The following CIT variants were observed in gnomAD, a reference collection of about 807,000 sequenced individuals.
The protein encoded by CIT is citron Rho-interacting kinase.
Under a neutral mutation model 272.7 loss-of-function variants are expected in CIT, and 79 were observed. That is an observed-to-expected ratio of 0.29 (90% CI 0.24 to 0.35). CIT has a LOEUF of 0.35. CIT is among the 10% of genes least tolerant of loss of function. The pLI is 1.00. For synonymous variants in CIT, 948 were observed against 995.6 expected (o/e 0.95, Z 0.90); for missense variants, 1,909 against 2,618.3 (o/e 0.73, Z 5.91).
Position 119,697,814 on chromosome 12 carries a change from G to A in CIT, c.5727C>T (p.Asp1909=). Residue 1909 remains aspartate (D), a synonymous_variant, in exon 46 of 48, where the codon GAC becomes GAT. Coordinates refer to ENST00000392521, the MANE Select transcript of CIT (RefSeq NM_001206999.2). The surrounding 1 kb of genome is among the most constrained non-coding windows in gnomAD (Gnocchi z 4.9). ...GGCCCAGGTAGCGCGGGTTCGGGAT[G>A]TCCAGGTACGCTCGGGCAGGGGTCC... ...SAGTPARAYL[D]IPNPRYLGPA... is the part of the protein sequence containing the mutation. 1 of 1,614,166 alleles carries A rather than the reference G, an allele frequency of 6.2e-7. No individual in the cohort carries two copies. Among genetic ancestry groups the A allele is most frequent in the South Asian group, 1.1e-5 (1 of 91,086 alleles).
In CIT at chr12:119,704,071, T is replaced by C. The variant is rs1369373862; in HGVS notation, c.5304+292A>G. On this transcript the variant is annotated intron_variant, in intron 41 of 47. Coordinates refer to ENST00000392521, the MANE Select transcript of CIT (RefSeq NM_001206999.2). ...TTTTTTTTTCCACTGGTTTTTCCTA[T>C]CAGTCAACTTTCTGTTCTAACAAAA... 1.3e-5 allele frequency among the ~76,000 whole-genome samples: 2 copies of C among 152,100 alleles called. 1 individual carries two copies. Among genetic ancestry groups the C allele is most frequent in the South Asian group, 4.1e-4 (2 of 4,828 alleles).
At chr12:119,722,479 T>C (rs1185662182) in intron 28 of CIT, among the ~76,000 whole-genome samples, 1 of 152,190 alleles carries the variant, frequency 6.6e-6, no homozygotes, top group Non-Finnish European at 1.5e-5. Context: ...TCTGTCTCTT[T>C]GCTTCTCTCT....
At position 119,834,151 on chromosome 12, in the gene CIT, T is replaced by C. The variant is rs766409004; in HGVS notation, c.594A>G (p.Ile198Met). The C allele has an allele frequency of 1.9e-6, 3 of 1,613,958 alleles. No homozygotes were observed. The highest frequency in any genetic ancestry group is 1.1e-5 in the South Asian group (1 of 91,068). ...AAATCAGCTCAGCTAGGTAAAACTG[T>C]ATCAGGTTTTCATCTAACTGGTCCT... is the stretch of plus-strand genomic sequence containing the variant. ...RYEDQLDENL[I>M]QFYLAELILA... The change falls in exon 6 of 48, where the codon ATA becomes ATG. Residue 198 changes from isoleucine to methionine, a missense_variant. Coordinates refer to ENST00000392521, the MANE Select transcript of CIT (RefSeq NM_001206999.2).
chr12:119,690,601 A>T lies in CIT; in HGVS notation c.5883-147T>A. 2.5e-6 allele frequency: 2 copies of T among 789,994 alleles called. No homozygotes were observed. Among genetic ancestry groups the T allele is most frequent in the Non-Finnish European group, 3.7e-6 (2 of 533,736 alleles). The allele number at this position is 789,994 out of a possible 1,614,324, so 48.9% of individuals were successfully genotyped here. On this transcript the variant is annotated intron_variant, in intron 46 of 47. Coordinates refer to ENST00000392521, the MANE Select transcript of CIT (RefSeq NM_001206999.2). This position sits in a 1 kb window ranked among gnomAD's most constrained non-coding sequence, Gnocchi z 6.0. Reference sequence around the variant, plus strand: ...CTGGAGTTCTTTGGACTTTGCCTGCATTTGATTTTGGTAGCAAAGACAGGG... The same window carrying T: ...CTGGAGTTCTTTGGACTTTGCCTGCTTTTGATTTTGGTAGCAAAGACAGGG...
Position 119,784,476 on chromosome 12 carries a change from T to G in CIT, c.1402-425A>C. ...AGGAGATATTTATTCGTCTGCACTC[T>G]TAGGAGTCCCAGGCAAGCAGTGACT... On this transcript the variant is annotated intron_variant, in intron 11 of 47. Transcript: ENST00000392521. This position sits in a 1 kb window ranked among gnomAD's most constrained non-coding sequence, Gnocchi z 4.7. 1 of 1,193,426 alleles carries G rather than the reference T, an allele frequency of 8.4e-7. No homozygotes were observed. Among genetic ancestry groups the G allele is most frequent in the Non-Finnish European group, 1.1e-6 (1 of 948,062 alleles). 73.9% of individuals were successfully genotyped at this position (1,193,426 alleles called of 1,614,324 possible).
chr12:119,691,371 C>T (rs1955936628), intron 46 of CIT, among the ~76,000 whole-genome samples: 1 of 152,182 alleles, frequency 6.6e-6, no homozygotes, highest in African/African-American at 2.4e-5. Flanking sequence ...GTACTGATCA[C>T]TGTTAACTGC....
intron 17 of CIT, among the ~76,000 whole-genome samples, chr12:119,772,294 A>T (rs1963248963): frequency 6.6e-6 from 1 of 152,216 alleles, no homozygotes; most frequent in Non-Finnish European, 1.5e-5. Flanking sequence ...AAAATTATAC[A>T]AATGATTTCA....
chr12:119,869,093 T>C lies in CIT; in HGVS notation c.205A>G (p.Lys69Glu). Reference sequence around the variant, plus strand: ...ACAAAGTTGCTCACGTGCTTAATCTTCATCAGAGCAGGCTGACTGCATTCT... The same window carrying C: ...ACAAAGTTGCTCACGTGCTTAATCTCCATCAGAGCAGGCTGACTGCATTCT... ...FEECSQPALM[K>E]IKHVSNFVRK... Residue 69 changes from lysine (K) to glutamate (E), a missense_variant, in exon 3 of 48, where the codon AAG becomes GAG. Coordinates refer to ENST00000392521, the MANE Select transcript of CIT (RefSeq NM_001206999.2). 2 of 1,612,158 alleles carry C rather than the reference T, an allele frequency of 1.2e-6. No homozygotes were observed. The highest frequency in any genetic ancestry group is 1.7e-6 in the Non-Finnish European group (2 of 1,179,536).
chr12:119,772,606 C>A (rs1234886684), intron 17 of CIT, among the ~76,000 whole-genome samples, 164 bp downstream of exon 17: 2 of 152,228 alleles, frequency 1.3e-5, no homozygotes, highest in African/African-American at 2.4e-5. Flanking sequence ...ATCTTTCTTT[C>A]CCCTGGGGGG....
chr12:119,805,683 T>C (rs183983264), intron 9 of CIT, among the ~76,000 whole-genome samples: 389 of 152,370 alleles, frequency 2.6e-3, no homozygotes, highest in Middle Eastern at 0.017. Context: ...GTGAGAAGTA[T>C]AATTAATGGA....
intron 4 of CIT, among the ~76,000 whole-genome samples, chr12:119,854,343 A>T (rs946384836): frequency 6.7e-6 from 1 of 150,244 alleles, no homozygotes; most frequent in African/African-American, 2.4e-5. Context: ...ATTTTTTTTT[A>T]AAGTTAGCTG....
At chr12:119,876,313 A>C in intron 1 of CIT, 132 bp from the exon 2 acceptor site, 1 of 584,194 alleles carries the variant, frequency 1.7e-6, no homozygotes, top group Non-Finnish European at 3.0e-6. Context: ...TAGGAAGCTC[A>C]GTCTAATCAT....
chr12:119,693,256 G>A (rs765795932), intron 46 of CIT, among the ~76,000 whole-genome samples: 99 of 152,116 alleles, frequency 6.5e-4, no homozygotes, highest in South Asian at 8.3e-4. Context: ...AAGGAGTTAC[G>A]TTTCCTGCTC....
chr12:119,856,299 G>C (rs1292649672), intron 4 of CIT, among the ~76,000 whole-genome samples: 1 of 152,144 alleles, frequency 6.6e-6, no homozygotes, highest in African/African-American at 2.4e-5. Context: ...AATGGATAGA[G>C]AGTTTCTGTT....
rs1957689755 is a variant in CIT, at chr12:119,718,964, C to G, written c.3841-103G>C. 11 of 1,131,348 alleles carry G rather than the reference C, an allele frequency of 9.7e-6. No individual in the cohort carries two copies. In the Admixed American group the frequency reaches 2.3e-4, roughly 23 times the overall value. The allele number at this position is 1,131,348 out of a possible 1,614,324, so 70.1% of individuals were successfully genotyped here. On this transcript the variant is annotated intron_variant, in intron 30 of 47. Transcript: ENST00000392521. This position sits in a 1 kb window ranked among gnomAD's most constrained non-coding sequence, Gnocchi z 4.8. ...AGGAGCAAACCACAAAAGCCAGGAG[C>G]ATACTCACTGTAAGTGTATTTAGTA...
Position 119,822,810 on chromosome 12 carries a change from C to CAT in CIT, c.1111+9_1111+10insAT, listed in dbSNP as rs1967830920. The stretch of plus-strand genomic sequence containing the variant: ...CAACATCCCAAATTAAGGAAAACAG[C>CAT]CCTACTTACAGTTACGAATGTTGTT... On this transcript the variant is annotated intron_variant, in intron 9 of 47. Coordinates refer to ENST00000392521, the MANE Select transcript of CIT (RefSeq NM_001206999.2). 4 of 1,613,570 alleles carry CAT rather than the reference C, an allele frequency of 2.5e-6. No individual in the cohort carries two copies. The East Asian group carries it at 8.9e-5, about 36-fold the overall frequency.
At chr12:119,730,202 C>T (rs1412437113) in intron 27 of CIT, among the ~76,000 whole-genome samples, 1 of 151,960 alleles carries the variant, frequency 6.6e-6, no homozygotes, top group East Asian at 1.9e-4. Context: ...AGATGCCAGA[C>T]AACCAGAGAG....
chr12:119,864,345 T>C (rs569317095), intron 3 of CIT, among the ~76,000 whole-genome samples: 1 of 152,130 alleles, frequency 6.6e-6, no homozygotes, highest in Non-Finnish European at 1.5e-5. Context: ...GGGTGTTGTT[T>C]TGTGTTTTGA....
rs747023959 is a variant in CIT, at chr12:119,785,081, C to T, written c.1296-16G>A. ...CACAACAGACCTAGGTAGAGAAAAA[C>T]CAACGTCAAGGGGGCCTGCAGGTGG... On this transcript the variant is annotated splice_polypyrimidine_tract_variant and intron_variant, in intron 10 of 47. Coordinates refer to ENST00000392521, the MANE Select transcript of CIT (RefSeq NM_001206999.2). The T allele has an allele frequency of 9.3e-6, 15 of 1,612,970 alleles. No individual in the cohort carries two copies. The highest frequency in any genetic ancestry group is 5.0e-5 in the Admixed American group (3 of 59,758).
Sources: allele counts gnomAD v4.1 joint callset (sites outside exome capture counted in the v4.1 genomes callset), GRCh38; gene constraint gnomAD v4.1.1; non-coding constraint Gnocchi (gnomAD v3.1); transcripts MANE v1.5; gene names NCBI Gene and HGNC (gene_info 2026-07-23, HGNC 2026-07-21).